IMMP2L: variants seen among roughly 807,000 people sequenced by gnomAD.
IMMP2L encodes the protein mitochondrial inner membrane protease subunit 2.
IMMP2L carries 18 observed loss-of-function variants against 19.3 expected under a neutral mutation model. The ratio of observed to expected loss-of-function variants is 0.93; its 90% confidence interval spans 0.64 to 1.38. The LOEUF is 1.38. Ranked by LOEUF, IMMP2L falls within the 40% of genes most tolerant of loss-of-function variation. The pLI is 0.00. For synonymous variants in IMMP2L, 76 were observed against 73.0 expected, an observed-to-expected ratio of 1.04 and a Z score of -0.21; for missense variants, 233 against 218.2, an observed-to-expected ratio of 1.07 and a Z score of -0.43.
intron 3 of IMMP2L, among the ~76,000 whole-genome samples, chr7:111,370,762 T>A (rs1830193141): frequency 6.6e-6 from 1 of 151,782 alleles, no homozygotes; most frequent in African/African-American, 2.4e-5. Flanking sequence ...TATAGCCATA[T>A]TTTTTTTCTC....
chr7:110,880,640 T>C (rs987424985), intron 5 of IMMP2L, among the ~76,000 whole-genome samples: 7 of 152,072 alleles, frequency 4.6e-5, no homozygotes, highest in African/African-American at 1.2e-4. Flanking sequence ...CTCAGTTATG[T>C]AGGCACCAAT....
In IMMP2L at chr7:110,990,344, T is replaced by A. The variant is rs568000793; in HGVS notation, c.240-26779A>T. 6.6e-5 allele frequency among the ~76,000 whole-genome samples: 10 copies of A among 152,278 alleles called. No individual in the cohort carries two copies. In the South Asian group the frequency reaches 2.1e-3, roughly 32 times the overall value. ...GCCAAAGATTCAAACTTAAATATTC[T>A]AATAGATTTATAGGAAATCTAAATG... On this transcript the variant is annotated intron_variant, in intron 3 of 5. Coordinates refer to ENST00000405709, the MANE Select transcript of IMMP2L (RefSeq NM_032549.4).
At chr7:111,309,741 A>G (rs1269289596) in intron 3 of IMMP2L, among the ~76,000 whole-genome samples, 1 of 152,126 alleles carries the variant, frequency 6.6e-6, no homozygotes, top group East Asian at 1.9e-4. Context: ...TGTACTTGTG[A>G]CCGACAGAAA....
Position 111,010,594 on chromosome 7 carries a change from C to T in IMMP2L, c.240-47029G>A, listed in dbSNP as rs530596460. On this transcript the variant is annotated intron_variant, in intron 3 of 5. Coordinates refer to ENST00000405709, the MANE Select transcript of IMMP2L (RefSeq NM_032549.4). ...GCCTCTTACTACTGATCACAGTTTA[C>T]GAAATTGTTGCGCTACAGGGAATGT... Among the ~76,000 whole-genome samples the T allele has an allele frequency of 1.4e-4, 22 of 152,166 alleles. 1 individual carries two copies. Among genetic ancestry groups the T allele is most frequent in the African/African-American group, 3.4e-4 (14 of 41,552 alleles).
chr7:110,749,100 C>T, intron 5 of IMMP2L, among the ~76,000 whole-genome samples: 1 of 152,192 alleles, frequency 6.6e-6, no homozygotes, highest in Non-Finnish European at 1.5e-5. Context: ...TGAACAGACA[C>T]TTCTCAAAAG....
At chr7:111,099,107 TA>T (rs1797698782) in intron 3 of IMMP2L, among the ~76,000 whole-genome samples, 1 of 151,740 alleles carries the variant, frequency 6.6e-6, no homozygotes. Context: ...TGGCAGCTTA[TA>T]ACTTCCTCTA....
chr7:111,534,293 CAT>C (rs770829923), intron 1 of IMMP2L, among the ~76,000 whole-genome samples: 11 of 151,988 alleles, frequency 7.2e-5, no homozygotes, highest in Non-Finnish European at 1.6e-4. Context: ...TAAATTATGA[CAT>C]GCATACAGTA....
chr7:111,176,079 T>G (rs112369839), intron 3 of IMMP2L, among the ~76,000 whole-genome samples: 44 of 152,092 alleles, frequency 2.9e-4, no homozygotes, highest in African/African-American at 1.0e-3. Context: ...AGATAACATC[T>G]CACTCCAGTT....
intron 5 of IMMP2L, among the ~76,000 whole-genome samples, chr7:110,855,020 TAC>T (rs1806616353): frequency 6.6e-6 from 1 of 152,010 alleles, no homozygotes. Flanking sequence ...ACAGTTATAA[TAC>T]ACATTTTTAA....
chr7:111,407,228 C>G (rs1051441614), intron 3 of IMMP2L, among the ~76,000 whole-genome samples: 4 of 151,998 alleles, frequency 2.6e-5, no homozygotes, highest in Admixed American at 2.6e-4. Context: ...GTACACACAG[C>G]AGCTCCGGAA....
chr7:111,124,934 A>AC lies in IMMP2L; in HGVS notation c.240-161370_240-161369insG, dbSNP rs548925596. Reference sequence around the variant, plus strand: ...AGGAAACCTACTCCAAAAATGAACAAAAAAAAAAAAAGCGAAAGACTGCAG... The same window carrying AC: ...AGGAAACCTACTCCAAAAATGAACAACAAAAAAAAAAAGCGAAAGACTGCAG... On this transcript the variant is annotated intron_variant, in intron 3 of 5. Coordinates refer to ENST00000405709, the MANE Select transcript of IMMP2L (RefSeq NM_032549.4). The AC allele has an allele frequency of 9.7e-4, 1,101 of 1,136,788 alleles. 5 individuals are homozygous for AC. The South Asian group carries it at 1.0e-2, about 10-fold the overall frequency. 70.4% of individuals were successfully genotyped at this position (1,136,788 alleles called of 1,614,324 possible). A position where few individuals can be genotyped will look rare whatever the true frequency, so the allele number is the denominator to read the frequency against.
chr7:111,315,899 T>C (rs1358078966), intron 3 of IMMP2L, among the ~76,000 whole-genome samples: 1 of 152,118 alleles, frequency 6.6e-6, no homozygotes, highest in African/African-American at 2.4e-5. Context: ...AGTACAGTTA[T>C]GCATCACTTA....
At chr7:111,139,466 T>C (rs1802662969) in intron 3 of IMMP2L, among the ~76,000 whole-genome samples, 2 of 152,096 alleles carry the variant, frequency 1.3e-5, no homozygotes, top group Non-Finnish European at 2.9e-5. Context: ...GATACAAAGA[T>C]AGGCAACTTC....
chr7:111,004,633 C>T (rs1824096619), intron 3 of IMMP2L, among the ~76,000 whole-genome samples: 1 of 152,018 alleles, frequency 6.6e-6, no homozygotes, highest in African/African-American at 2.4e-5. Context: ...AATATCATGG[C>T]CCAAAAAATT....
chr7:110,825,014 G>A (rs987417838), intron 5 of IMMP2L, among the ~76,000 whole-genome samples: 3 of 152,018 alleles, frequency 2.0e-5, no homozygotes, highest in Admixed American at 6.6e-5. Flanking sequence ...AAATCAATGT[G>A]CAAAAATCAC....
chr7:110,722,873 T>C (rs2130776685), intron 5 of IMMP2L, among the ~76,000 whole-genome samples: 1 of 152,232 alleles, frequency 6.6e-6, no homozygotes, highest in South Asian at 2.1e-4. Flanking sequence ...AGCAAGTTTG[T>C]GAAAATAAAA....
At chr7:111,294,738 A>C (rs1201220194) in intron 3 of IMMP2L, among the ~76,000 whole-genome samples, 1 of 151,904 alleles carries the variant, frequency 6.6e-6, no homozygotes, top group Non-Finnish European at 1.5e-5. Context: ...AGCGCCATGT[A>C]ATGCAAGTGA....
At chr7:111,517,703 C>A (rs1845988101) in intron 2 of IMMP2L, among the ~76,000 whole-genome samples, 1 of 152,018 alleles carries the variant, frequency 6.6e-6, no homozygotes, top group Non-Finnish European at 1.5e-5. Context: ...TACATAAATT[C>A]CCTCTGTAGT....
chr7:111,300,981 G>A (rs1286709439), intron 3 of IMMP2L, among the ~76,000 whole-genome samples: 1 of 152,068 alleles, frequency 6.6e-6, no homozygotes, highest in Non-Finnish European at 1.5e-5. Context: ...GGGTCGTATG[G>A]TAATTGCATG....
Sources: gnomAD v4.1 joint callset for allele counts (sites outside exome capture counted in the v4.1 genomes callset) on GRCh38, gnomAD v4.1.1 for gene constraint, MANE v1.5 for transcripts, NCBI Gene and HGNC (gene_info 2026-07-23, HGNC 2026-07-21) for gene names.